Variants in CCSER2 observed in about 807,000 individuals in gnomAD.
CCSER2 encodes the protein serine-rich coiled-coil domain-containing protein 2.
CCSER2 carries 46 observed loss-of-function variants against 92.3 expected under a neutral mutation model. The observed-to-expected ratio is 0.50, with a 90% CI of 0.39 to 0.64. CCSER2 has a LOEUF of 0.64. Among genes scored for constraint, CCSER2 ranks in the 30% least tolerant of loss-of-function variants. The pLI is 0.00. For synonymous variants in CCSER2, 433 were observed against 431.4 expected, an observed-to-expected ratio of 1.00 and a Z score of -0.04; for missense variants, 1,244 against 1,238.9, an observed-to-expected ratio of 1.00 and a Z score of -0.06.
rs1023715701 is a variant in CCSER2 at position 84,514,074 on chromosome 10, C to A, written c.2951C>A (p.Pro984His). The change falls in exon 10 of 10, where the codon CCC becomes CAC. Residue 984 changes from proline to histidine, a missense_variant. By Grantham distance (77) the Pro-to-His change is moderately conservative. Transcript: ENST00000372088. ...QNLKASKLRPPSGSFKQKQTN... is the reference protein window; with the variant it reads ...QNLKASKLRPHSGSFKQKQTN... ...CTGAAAGCATCTAAGCTCCGCCCCC[C>A]CTCAGGCTCTTTCAAACAAAAACAA... 31 of 1,536,162 alleles carry A rather than the reference C, an allele frequency of 2.0e-5. No homozygotes were observed. Among genetic ancestry groups the A allele is most frequent in the Non-Finnish European group, 2.6e-5 (30 of 1,146,968 alleles).
intron 9 of CCSER2, among the ~76,000 whole-genome samples, chr10:84,485,177 TGTA>T (rs1321492233): frequency 3.3e-5 from 5 of 152,220 alleles, no homozygotes; most frequent in Admixed American, 1.3e-4. Flanking sequence ...TTTACATAAT[TGTA>T]GTACAATATC....
At chr10:84,376,848 G>A (rs998954092) in intron 3 of CCSER2, among the ~76,000 whole-genome samples, 1 of 151,940 alleles carries the variant, frequency 6.6e-6, no homozygotes, top group Non-Finnish European at 1.5e-5. Flanking sequence ...TCTATTCTTG[G>A]TGCTTTCTGC....
intron 8 of CCSER2, among the ~76,000 whole-genome samples, chr10:84,471,488 G>C (rs1393950506): frequency 6.6e-6 from 1 of 152,066 alleles, no homozygotes; most frequent in African/African-American, 2.4e-5. Flanking sequence ...ATTGTGTCTT[G>C]TGCAATTCAG....
At chr10:84,491,640 C>A (rs1255356931) in intron 9 of CCSER2, among the ~76,000 whole-genome samples, 2 of 152,130 alleles carry the variant, frequency 1.3e-5, no homozygotes, top group Admixed American at 1.3e-4. Flanking sequence ...CCGTCTGTCA[C>A]CCCTTCCCTT....
chr10:84,420,314 G>A (rs1265408342), intron 4 of CCSER2, among the ~76,000 whole-genome samples: 1 of 152,176 alleles, frequency 6.6e-6, no homozygotes, highest in East Asian at 1.9e-4. Context: ...GATTTTTCTA[G>A]AAGAAGGCAA....
intron 4 of CCSER2, among the ~76,000 whole-genome samples, chr10:84,421,625 G>A (rs963713710): frequency 6.6e-6 from 1 of 152,078 alleles, no homozygotes; most frequent in African/African-American, 2.4e-5. Context: ...GTGAGATTTG[G>A]GTAGGGACAC....
At position 84,441,808 on chromosome 10, in the gene CCSER2, G is replaced by A. The variant is rs561204866; in HGVS notation, c.2064+3101G>A. Among the ~76,000 whole-genome samples the A allele has an allele frequency of 3.0e-5, 4 of 134,450 alleles. No homozygotes were observed. In the South Asian group the frequency reaches 9.9e-4, roughly 33 times the overall value. The allele number at this position is 134,450 out of a possible 152,430, so 88.2% of individuals were successfully genotyped here. A position where few individuals can be genotyped will look rare whatever the true frequency, so the allele number is the denominator to read the frequency against. ...AAGTCTCGCTGTCTCTCAGGCTGGAGTGCAGTGGCGCGATCTCGGCTCACT... is the reference window on the plus strand; with the variant it reads ...AAGTCTCGCTGTCTCTCAGGCTGGAATGCAGTGGCGCGATCTCGGCTCACT... On this transcript the variant is annotated intron_variant, in intron 6 of 9. Transcript: ENST00000372088.
At chr10:84,483,790 C>CTTTTT (rs778893851) in intron 9 of CCSER2, among the ~76,000 whole-genome samples, 1 of 134,552 alleles carries the variant, frequency 7.4e-6, no homozygotes, top group African/African-American at 2.7e-5. Context: ...TTTTTCTTTT[C>CTTTTT]TTTTTTTTTT....
intron 7 of CCSER2, among the ~76,000 whole-genome samples, chr10:84,464,596 G>A (rs1271481375): frequency 6.6e-6 from 1 of 152,136 alleles, no homozygotes; most frequent in African/African-American, 2.4e-5. Flanking sequence ...CCCATTTTCA[G>A]GGTACACTTA....
intron 1 of CCSER2, among the ~76,000 whole-genome samples, chr10:84,357,928 A>G (rs1845279372): frequency 6.6e-6 from 1 of 152,228 alleles, no homozygotes. Context: ...TAATGGTGTT[A>G]TGGAAAGCAT....
intron 9 of CCSER2, among the ~76,000 whole-genome samples, chr10:84,481,266 A>T (rs1847441203): frequency 6.6e-6 from 1 of 152,276 alleles, no homozygotes; most frequent in African/African-American, 2.4e-5. Context: ...CCTGTTATGT[A>T]ATGTTTTCTT....
chr10:84,346,613 T>G (rs1199329753), intron 1 of CCSER2, among the ~76,000 whole-genome samples: 1 of 151,970 alleles, frequency 6.6e-6, no homozygotes. Context: ...ATATATTACA[T>G]GAGAAGAGTA....
At position 84,477,620 on chromosome 10, in the gene CCSER2, A is replaced by G; in HGVS notation, c.2281A>G (p.Thr761Ala). Residue 761 changes from threonine (T) to alanine (A), a missense_variant, in exon 9 of 10, where the codon ACT becomes GCT. Thr to Ala is a moderately conservative substitution (Grantham distance 58, BLOSUM62 0). Coordinates refer to ENST00000372088, the MANE Select transcript of CCSER2 (RefSeq NM_001284240.2). ...CCAAAAATGTAAAGAGGAAAAATGC[A>G]CTTATGCTGATAAATATACCCAAAC... ...CHQKCKEEKC[T>A]YADKYTQTPW... is the part of the protein sequence containing the mutation. The G allele has an allele frequency of 6.2e-7, 1 of 1,612,700 alleles. No homozygotes were observed. The highest frequency in any genetic ancestry group is 1.7e-5 in the Admixed American group (1 of 59,944).
At chr10:84,439,541 T>A (rs1161756403) in intron 6 of CCSER2, among the ~76,000 whole-genome samples, 2 of 152,190 alleles carry the variant, frequency 1.3e-5, no homozygotes, top group Admixed American at 1.3e-4. Context: ...ATGCAGTATA[T>A]GCACACGAAA....
intron 1 of CCSER2, among the ~76,000 whole-genome samples, chr10:84,368,863 C>A (rs1845919906): frequency 6.6e-6 from 1 of 152,202 alleles, no homozygotes; most frequent in South Asian, 2.1e-4. Context: ...TCTGAGTCTC[C>A]AGTGTCCATT....
At chr10:84,338,861 C>CT in intron 1 of CCSER2, among the ~76,000 whole-genome samples, 1 of 152,240 alleles carries the variant, frequency 6.6e-6, no homozygotes, top group African/African-American at 2.4e-5. Context: ...AGTTATAGCA[C>CT]TTTATATGCC....
intron 1 of CCSER2, among the ~76,000 whole-genome samples, chr10:84,356,295 C>T (rs1321201681): frequency 2.0e-5 from 3 of 152,040 alleles, no homozygotes; most frequent in Admixed American, 6.6e-5. Context: ...TTTGGCAAAT[C>T]AAGCAGATTC....
chr10:84,440,417 T>A (rs1469832347), intron 6 of CCSER2, among the ~76,000 whole-genome samples: 1 of 152,174 alleles, frequency 6.6e-6, no homozygotes, highest in Admixed American at 6.5e-5. Flanking sequence ...TAAATTTGTT[T>A]CTAATGTGAC....
intron 1 of CCSER2, among the ~76,000 whole-genome samples, chr10:84,337,028 A>C (rs904162419): frequency 3.3e-5 from 5 of 152,218 alleles, no homozygotes; most frequent in Non-Finnish European, 7.3e-5. Flanking sequence ...TAGCGGGGGA[A>C]GTAACGAGTT....
Sources: gnomAD v4.1 joint callset for allele counts (sites outside exome capture counted in the v4.1 genomes callset) on GRCh38, gnomAD v4.1.1 for gene constraint, MANE v1.5 for transcripts, NCBI Gene and HGNC (gene_info 2026-07-23, HGNC 2026-07-21) for gene names.